Variants in PRRX2 observed in about 807,000 individuals in gnomAD.
PRRX2 encodes paired related homeobox 2, also known as paired mesoderm homeobox protein 2.
In PRRX2, 11 loss-of-function variants were observed where a neutral mutation model predicts 18.0. That is an observed-to-expected ratio of 0.61 (90% CI 0.39 to 1.01). PRRX2 has a LOEUF of 1.01. Among genes scored for constraint, PRRX2 ranks in the 50% least tolerant of loss-of-function variants. The probability of loss-of-function intolerance (pLI) is 0.01; values close to 1 mark genes in which losing one functional copy is unlikely to be tolerated. For missense variants in PRRX2, 387 were observed against 351.0 expected, an observed-to-expected ratio of 1.10 and a Z score of -0.82; for synonymous variants, 177 against 154.8, an observed-to-expected ratio of 1.14 and a Z score of -1.06.
intron 1 of PRRX2, among the ~76,000 whole-genome samples, chr9:129,706,352 G>A (rs1264695897): frequency 6.6e-6 from 1 of 151,962 alleles, no homozygotes; most frequent in Non-Finnish European, 1.5e-5. Context: ...AGACCGAGGG[G>A]GGCAGATCAT....
intron 1 of PRRX2, among the ~76,000 whole-genome samples, chr9:129,679,044 G>A (rs563049123): frequency 5.9e-5 from 9 of 152,190 alleles, no homozygotes; most frequent in Non-Finnish European, 1.2e-4. Context: ...GCAGGTGGCC[G>A]TGCCCCACGT....
chr9:129,684,427 AACACACACAC>A (rs72324782), intron 1 of PRRX2, among the ~76,000 whole-genome samples: 5,736 of 82,874 alleles, frequency 0.069, 173 homozygotes, highest in African/African-American at 0.13. Context: ...ACACAGATAC[AACACACACAC>A]ACACACACAC....
chr9:129,708,015 C>G (rs62584063), intron 1 of PRRX2, among the ~76,000 whole-genome samples: 3 of 151,966 alleles, frequency 2.0e-5, no homozygotes, highest in Non-Finnish European at 2.9e-5. Flanking sequence ...CACTTCCTGG[C>G]CAGCACTTGG....
intron 1 of PRRX2, among the ~76,000 whole-genome samples, chr9:129,701,078 C>T (rs1202744806): frequency 6.6e-6 from 1 of 152,182 alleles, no homozygotes; most frequent in African/African-American, 2.4e-5. Context: ...ACAGTGTTTA[C>T]AATAGAGGAA....
chr9:129,703,256 G>C (rs1025126026), intron 1 of PRRX2, among the ~76,000 whole-genome samples: 16 of 152,216 alleles, frequency 1.1e-4, no homozygotes, highest in African/African-American at 3.9e-4. Context: ...TGTTCGGGTA[G>C]AGAGGGGTGG....
chr9:129,672,190 C>T (rs1031984587), intron 1 of PRRX2, among the ~76,000 whole-genome samples: 12 of 152,132 alleles, frequency 7.9e-5, no homozygotes, highest in African/African-American at 2.9e-4. Context: ...ACCCTTACAG[C>T]AGTGTACCAC....
chr9:129,720,196 C>T (rs1832770986), intron 2 of PRRX2, among the ~76,000 whole-genome samples: 1 of 151,578 alleles, frequency 6.6e-6, no homozygotes, highest in Admixed American at 6.6e-5. Flanking sequence ...AAGCGCCTCT[C>T]CCCGCGAGTG....
intron 1 of PRRX2, among the ~76,000 whole-genome samples, chr9:129,683,740 A>G (rs186331503): frequency 6.6e-6 from 1 of 152,048 alleles, no homozygotes; most frequent in African/African-American, 2.4e-5. Flanking sequence ...ATCTCAAAAA[A>G]AAATAAAAAA....
chr9:129,715,790 ACACT>A lies in PRRX2; in HGVS notation c.260-3438_260-3435del, dbSNP rs953816996. 3.3e-5 allele frequency among the ~76,000 whole-genome samples: 5 copies of A among 150,022 alleles called. No individual in the cohort carries two copies. The highest frequency in any genetic ancestry group is 4.2e-4 in the South Asian group (2 of 4,752). On this transcript the variant is annotated intron_variant, in intron 1 of 3. Transcript: ENST00000372469. This position sits in a 1 kb window ranked among gnomAD's most constrained non-coding sequence, Gnocchi z 4.0. ...CACACACACACACACACACACACAC[ACACT>A]CATTTACAGTCTCATGGAGCAATTT...
At chr9:129,697,834 G>A (rs1339652554) in intron 1 of PRRX2, among the ~76,000 whole-genome samples, 1 of 152,020 alleles carries the variant, frequency 6.6e-6, no homozygotes, top group Non-Finnish European at 1.5e-5. Flanking sequence ...CCCGCCCCCC[G>A]AAGTTTGTTT....
Position 129,675,978 on chromosome 9 carries a change from C to T in PRRX2, c.259+9852C>T, listed in dbSNP as rs1035144245. Among the ~76,000 whole-genome samples, 2 of 152,196 alleles carry T rather than the reference C, an allele frequency of 1.3e-5. No individual in the cohort carries two copies. Among genetic ancestry groups the T allele is most frequent in the African/African-American group, 4.8e-5 (2 of 41,456 alleles). On this transcript the variant is annotated intron_variant, in intron 1 of 3. Transcript: ENST00000372469. This position sits in a 1 kb window ranked among gnomAD's most constrained non-coding sequence, Gnocchi z 4.4. ...GCCCTCTAATGCTCTCAAGATGGTG[C>T]CTCAGGCAGCTGGTCCAGCCAGTGG...
At chr9:129,683,523 C>A (rs1347857782) in intron 1 of PRRX2, among the ~76,000 whole-genome samples, 1 of 152,096 alleles carries the variant, frequency 6.6e-6, no homozygotes, top group African/African-American at 2.4e-5. Flanking sequence ...ATCACGAGGT[C>A]AGGAGATCGA....
chr9:129,666,936 C>A (rs1832033651), intron 1 of PRRX2, among the ~76,000 whole-genome samples: 1 of 152,172 alleles, frequency 6.6e-6, no homozygotes, highest in African/African-American at 2.4e-5. Flanking sequence ...GGGCTCTGGG[C>A]CCCTGAAGTG....
At position 129,675,262 on chromosome 9, in the gene PRRX2, T is replaced by C. The variant is rs1208182537; in HGVS notation, c.259+9136T>C. Among the ~76,000 whole-genome samples, 2 of 152,090 alleles carry C rather than the reference T, an allele frequency of 1.3e-5. No homozygotes were observed. The highest frequency in any genetic ancestry group is 2.9e-5 in the Non-Finnish European group (2 of 67,970). On this transcript the variant is annotated intron_variant, in intron 1 of 3. Coordinates refer to ENST00000372469, the MANE Select transcript of PRRX2 (RefSeq NM_016307.4). This position sits in a 1 kb window ranked among gnomAD's most constrained non-coding sequence, Gnocchi z 4.4. ...GCCGGGTCTAGGAGGAAGTATTTGCTCTCGACCATCCACCAGCATCCATTG... is the reference window on the plus strand; with the variant it reads ...GCCGGGTCTAGGAGGAAGTATTTGCCCTCGACCATCCACCAGCATCCATTG...
intron 1 of PRRX2, among the ~76,000 whole-genome samples, chr9:129,680,400 CAA>C (rs1207606607): frequency 5.8e-5 from 5 of 85,834 alleles, no homozygotes; most frequent in African/African-American, 5.1e-5. Context: ...GACTCCGTCT[CAA>C]AAAAAAAAAA....
At chr9:129,720,836 C>T in intron 3 of PRRX2, 62 bp downstream of exon 3, 1 of 1,438,698 alleles carries the variant, frequency 7.0e-7, no homozygotes, top group South Asian at 1.4e-5. Flanking sequence ...GAGGGCTTTT[C>T]CGGCCTGGAC....
intron 1 of PRRX2, among the ~76,000 whole-genome samples, chr9:129,689,590 G>A (rs528052858): frequency 1.4e-4 from 22 of 152,140 alleles, no homozygotes; most frequent in African/African-American, 5.1e-4. Flanking sequence ...GGTCTGATGC[G>A]CAAAGACCTT....
chr9:129,708,068 G>A (rs1415903870), intron 1 of PRRX2, among the ~76,000 whole-genome samples: 2 of 151,926 alleles, frequency 1.3e-5, no homozygotes, highest in Non-Finnish European at 2.9e-5. Flanking sequence ...CTGGAGTCTC[G>A]CTCTGTTGCC....
rs1488436215 is a variant in PRRX2 at position 129,675,280 on chromosome 9, A to T, written c.259+9154A>T. ...TATTTGCTCTCGACCATCCACCAGC[A>T]TCCATTGAGCACCTACTGAGTACCA... On this transcript the variant is annotated intron_variant, in intron 1 of 3. Coordinates refer to ENST00000372469, the MANE Select transcript of PRRX2 (RefSeq NM_016307.4). This position sits in a 1 kb window ranked among gnomAD's most constrained non-coding sequence, Gnocchi z 4.4. Among the ~76,000 whole-genome samples the T allele has an allele frequency of 1.3e-5, 2 of 152,188 alleles. No individual in the cohort carries two copies.
Sources: allele counts gnomAD v4.1 joint callset (sites outside exome capture counted in the v4.1 genomes callset), GRCh38; gene constraint gnomAD v4.1.1; non-coding constraint Gnocchi (gnomAD v3.1); transcripts MANE v1.5; gene names NCBI Gene and HGNC (gene_info 2026-07-23, HGNC 2026-07-21).